The following MRPL13 variants were observed in gnomAD, a reference collection of about 807,000 sequenced individuals.
The protein encoded by MRPL13 is large ribosomal subunit protein uL13m.
A neutral mutation model predicts 29.0 loss-of-function variants in MRPL13; 33 were observed. The observed-to-expected ratio is 1.14, with a 90% confidence interval of 0.86 to 1.52. The LOEUF (loss-of-function observed/expected upper bound fraction) is 1.52, where lower values mean the gene tolerates loss of function less well. Among genes scored for constraint, MRPL13 ranks in the 40% most tolerant of loss-of-function variants. The probability of loss-of-function intolerance (pLI) is 0.00; values close to 1 mark genes in which losing one functional copy is unlikely to be tolerated. For synonymous variants in MRPL13, 77 were observed against 68.4 expected, an observed-to-expected ratio of 1.13 and a Z score of -0.62; for missense variants, 227 against 216.7, an observed-to-expected ratio of 1.05 and a Z score of -0.30.
At chr8:120,443,579 A>G (rs1813155513) in intron 1 of MRPL13, among the ~76,000 whole-genome samples, 1 of 151,472 alleles carries the variant, frequency 6.6e-6, no homozygotes. Flanking sequence ...ACGTTTTGTT[A>G]TAAATATCCC....
Position 120,413,086 on chromosome 8 carries a change from TGA to T in MRPL13, c.515+903_515+904del, listed in dbSNP as rs576647283. Reference sequence around the variant, plus strand: ...GACAAATAACAGACACACATATAAATGAGAGTACAGTAGATAGTGATAAATGC... The same window carrying T: ...GACAAATAACAGACACACATATAAATGAGTACAGTAGATAGTGATAAATGC... On this transcript the variant is annotated intron_variant, in intron 6 of 6. Coordinates refer to ENST00000306185, the MANE Select transcript of MRPL13 (RefSeq NM_014078.6). 7.9e-5 allele frequency among the ~76,000 whole-genome samples: 12 copies of T among 152,288 alleles called. No individual in the cohort carries two copies. The South Asian group carries it at 2.3e-3, about 29-fold the overall frequency.
intron 6 of MRPL13, among the ~76,000 whole-genome samples, chr8:120,405,418 G>A (rs557449792): frequency 6.6e-6 from 1 of 152,202 alleles, no homozygotes; most frequent in Non-Finnish European, 1.5e-5. Flanking sequence ...TTATGAGAAT[G>A]CAGGTCCTGA....
chr8:120,395,479 A>C lies in MRPL13; in HGVS notation c.*625T>G, dbSNP rs1385562564. On this transcript the variant is annotated 3_prime_UTR_variant, in exon 7 of 7. Transcript: ENST00000306185. ...AAGCCAACAGGACAGATATGGGAAA[A>C]CAGTGTGGAGAGTCTACAAACAGAA... The C allele has an allele frequency of 6.6e-6, 1 of 152,362 alleles. No homozygotes were observed. Among genetic ancestry groups the C allele is most frequent in the Admixed American group, 6.5e-5 (1 of 15,282 alleles). The allele number at this position is 152,362 out of a possible 1,614,324, so 9.4% of individuals were successfully genotyped here.
intron 2 of MRPL13, among the ~76,000 whole-genome samples, chr8:120,438,901 A>G (rs1437142749): frequency 1.3e-5 from 2 of 152,250 alleles, no homozygotes; most frequent in Non-Finnish European, 2.9e-5. Flanking sequence ...TAATTCTATG[A>G]CTATTTTTCT....
chr8:120,425,001 C>G (rs1394135508), intron 4 of MRPL13, among the ~76,000 whole-genome samples: 1 of 151,984 alleles, frequency 6.6e-6, no homozygotes, highest in Non-Finnish European at 1.5e-5. Flanking sequence ...ATACATATAT[C>G]TCTCTCCTTT....
intron 2 of MRPL13, among the ~76,000 whole-genome samples, chr8:120,432,823 C>A (rs1813011736): frequency 1.3e-5 from 2 of 151,938 alleles, no homozygotes; most frequent in African/African-American, 4.8e-5. Flanking sequence ...AAAAAGTTAA[C>A]ATGTACATTT....
At chr8:120,441,483 A>G (rs982472967) in intron 2 of MRPL13, among the ~76,000 whole-genome samples, 4 of 152,198 alleles carry the variant, frequency 2.6e-5, no homozygotes, top group African/African-American at 9.7e-5. Context: ...AGAAAGGGAG[A>G]AGAAACAGGG....
chr8:120,414,910 A>G (rs935695900), intron 5 of MRPL13: 1 of 152,248 alleles, frequency 6.6e-6, no homozygotes, highest in Non-Finnish European at 1.5e-5. Flanking sequence ...AACAGTAGAC[A>G]CAATGAACTG....
At chr8:120,400,880 T>C (rs1011987889) in intron 6 of MRPL13, among the ~76,000 whole-genome samples, 1 of 151,950 alleles carries the variant, frequency 6.6e-6, no homozygotes, top group Non-Finnish European at 1.5e-5. Flanking sequence ...AACAGCTCTA[T>C]ACACATAAAG....
At chr8:120,440,793 GAC>G (rs963501445) in intron 2 of MRPL13, among the ~76,000 whole-genome samples, 6 of 151,844 alleles carry the variant, frequency 4.0e-5, no homozygotes, top group Non-Finnish European at 8.8e-5. Context: ...GTTCTTGTAG[GAC>G]ACACAGAAAT....
intron 6 of MRPL13, among the ~76,000 whole-genome samples, chr8:120,408,117 A>C (rs1391783489): frequency 6.6e-6 from 1 of 152,192 alleles, no homozygotes; most frequent in Non-Finnish European, 1.5e-5. Context: ...CCTGATCCGA[A>C]AAAGCTCAAC....
intron 6 of MRPL13, among the ~76,000 whole-genome samples, chr8:120,405,683 C>T (rs1461860342): frequency 6.6e-6 from 1 of 152,114 alleles, no homozygotes; most frequent in Non-Finnish European, 1.5e-5. Flanking sequence ...TCTTTTCTCC[C>T]AAACTGTAGT....
At position 120,414,027 on chromosome 8, in the gene MRPL13, T is replaced by C. The variant is rs774705230; in HGVS notation, c.479A>G (p.Gln160Arg). Residue 160 changes from glutamine (Q) to arginine (R), a missense_variant, in exon 6 of 7, where the codon CAA becomes CGA. Coordinates refer to ENST00000306185, the MANE Select transcript of MRPL13 (RefSeq NM_014078.6). ...TCTTGGGAAGGCGTCTATTTCTTCT[T>C]GTGTGTACTCATCTAGACGTTTAGG... The part of the protein sequence containing the change: ...KIPKRLDEYT[Q>R]EEIDAFPRLW... 1 of 1,589,708 alleles carries C rather than the reference T, an allele frequency of 6.3e-7. No individual in the cohort carries two copies.
At position 120,443,178 on chromosome 8, in the gene MRPL13, T is replaced by C. The variant is rs376176671; in HGVS notation, c.151+7A>G. The C allele has an allele frequency of 3.9e-6, 6 of 1,541,456 alleles. No individual in the cohort carries two copies. The African/African-American group carries it at 5.6e-5, about 14-fold the overall frequency. ...GTGGTTAATGACAGGTCTAAAATAATACTTACTCAGTGCATGGTACACAGG... is the reference window on the plus strand; with the variant it reads ...GTGGTTAATGACAGGTCTAAAATAACACTTACTCAGTGCATGGTACACAGG... On this transcript the variant is annotated splice_region_variant and intron_variant, in intron 2 of 6. Transcript: ENST00000306185.
At chr8:120,408,018 A>G (rs1812696123) in intron 6 of MRPL13, among the ~76,000 whole-genome samples, 1 of 152,250 alleles carries the variant, frequency 6.6e-6, no homozygotes, top group South Asian at 2.1e-4. Context: ...AAATCTGGTG[A>G]CATCACATAT....
At chr8:120,433,441 G>A (rs1195871119) in intron 2 of MRPL13, among the ~76,000 whole-genome samples, 1 of 152,018 alleles carries the variant, frequency 6.6e-6, no homozygotes, top group Non-Finnish European at 1.5e-5. Flanking sequence ...GGAAAAAATG[G>A]AATCTTTAAA....
intron 2 of MRPL13, among the ~76,000 whole-genome samples, chr8:120,437,835 C>T (rs1390533728): frequency 6.6e-6 from 1 of 152,082 alleles, no homozygotes; most frequent in Non-Finnish European, 1.5e-5. Context: ...CAATGATCAT[C>T]ATTTGTAATA....
chr8:120,413,223 G>T (rs919218112), intron 6 of MRPL13, among the ~76,000 whole-genome samples: 2 of 152,148 alleles, frequency 1.3e-5, no homozygotes, highest in Non-Finnish European at 2.9e-5. Context: ...ATAAATACTG[G>T]CTGAGTGTCT....
intron 6 of MRPL13, among the ~76,000 whole-genome samples, chr8:120,412,550 A>T (rs78454234): frequency 0.018 from 2,693 of 152,302 alleles, 82 homozygotes; most frequent in African/African-American, 0.062. Flanking sequence ...AAGGTTATAG[A>T]GTCAGCTACT....
Sources: gnomAD v4.1 joint callset for allele counts (sites outside exome capture counted in the v4.1 genomes callset) on GRCh38, gnomAD v4.1.1 for gene constraint, MANE v1.5 for transcripts, NCBI Gene and HGNC (gene_info 2026-07-23, HGNC 2026-07-21) for gene names.